The following CDH9 variants were observed in gnomAD, a reference collection of about 807,000 sequenced individuals.
CDH9 encodes cadherin-9.
In CDH9, 28 loss-of-function variants were observed where a neutral mutation model predicts 70.9. That is an observed-to-expected ratio of 0.40 (90% CI 0.29 to 0.54). The LOEUF (loss-of-function observed/expected upper bound fraction) is 0.54. Ranked by LOEUF, CDH9 falls within the 20% of genes least tolerant of loss-of-function variation. The pLI, the probability that CDH9 is intolerant of heterozygous loss-of-function variation, is 0.59. For synonymous variants in CDH9, 409 were observed against 343.1 expected (o/e 1.19, Z -2.12); for missense variants, 874 against 984.4 (o/e 0.89, Z 1.50).
intron 11 of CDH9, among the ~76,000 whole-genome samples, chr5:26,883,219 T>C (rs1194164025): frequency 6.6e-6 from 1 of 150,670 alleles, no homozygotes; most frequent in African/African-American, 2.4e-5. Flanking sequence ...GAGATTTCTT[T>C]CTAAATTTAA....
At chr5:26,903,883 C>G in intron 5 of CDH9, 59 bp from the exon 6 acceptor site, 1 of 913,044 alleles carries the variant, frequency 1.1e-6, no homozygotes, top group Non-Finnish European at 1.7e-6. Context: ...TTTTTCATTT[C>G]CTCTGCATTT....
intron 1 of CDH9, among the ~76,000 whole-genome samples, chr5:27,005,164 A>T (rs1386326720): frequency 2.0e-5 from 3 of 152,146 alleles, no homozygotes; most frequent in Non-Finnish European, 4.4e-5. Context: ...AGCAAAATAC[A>T]TTCAATTCTT....
At chr5:26,913,860 A>G (rs565947232) in intron 3 of CDH9, among the ~76,000 whole-genome samples, 21 of 151,994 alleles carry the variant, frequency 1.4e-4, no homozygotes, top group Admixed American at 5.9e-4. Context: ...AGTATTTCAC[A>G]TGAGACAAAA....
intron 2 of CDH9, among the ~76,000 whole-genome samples, chr5:26,925,303 T>G (rs1187553323): frequency 1.3e-5 from 2 of 152,228 alleles, no homozygotes; most frequent in African/African-American, 4.8e-5. Context: ...TGACCAGTGA[T>G]GATGAGCATT....
intron 2 of CDH9, among the ~76,000 whole-genome samples, chr5:26,926,645 T>C (rs1043284978): frequency 2.6e-5 from 4 of 151,916 alleles, no homozygotes; most frequent in Non-Finnish European, 4.4e-5. Context: ...AAGACAATCC[T>C]AAGAAAATAG....
At chr5:26,973,874 T>A (rs1742261452) in intron 2 of CDH9, among the ~76,000 whole-genome samples, 1 of 152,184 alleles carries the variant, frequency 6.6e-6, no homozygotes, top group South Asian at 2.1e-4. Context: ...ATTTTAATTA[T>A]CTTGCATAGT....
chr5:26,933,776 C>CAAAATAAAAT (rs35458909), intron 2 of CDH9, among the ~76,000 whole-genome samples: 230 of 147,320 alleles, frequency 1.6e-3, no homozygotes, highest in Admixed American at 4.7e-3. Flanking sequence ...AAGACTCCGT[C>CAAAATAAAAT]AAAATAAAAT....
At chr5:27,012,693 T>A (rs1365033036) in intron 1 of CDH9, among the ~76,000 whole-genome samples, 1 of 152,030 alleles carries the variant, frequency 6.6e-6, no homozygotes, top group Non-Finnish European at 1.5e-5. Flanking sequence ...TAAGAAAGTA[T>A]CCCTTGGTTT....
At chr5:26,920,995 C>T (rs1741234434) in intron 2 of CDH9, among the ~76,000 whole-genome samples, 2 of 152,254 alleles carry the variant, frequency 1.3e-5, no homozygotes, top group South Asian at 2.1e-4. Flanking sequence ...GTGAGGAAAA[C>T]ATGACTTCGT....
intron 1 of CDH9, among the ~76,000 whole-genome samples, chr5:27,020,390 T>C (rs1048942251): frequency 3.1e-4 from 47 of 151,612 alleles, no homozygotes; most frequent in African/African-American, 1.0e-3. Flanking sequence ...ATTTTATATT[T>C]ACACAATTGG....
At chr5:26,886,700 CTTTTAAGAT>C (rs1378431532) in intron 9 of CDH9, among the ~76,000 whole-genome samples, 1 of 152,030 alleles carries the variant, frequency 6.6e-6, no homozygotes, top group Admixed American at 6.6e-5. Context: ...CAAAGAAATG[CTTTTAAGAT>C]TTTGTAAAAT....
chr5:26,964,619 A>G (rs546262263), intron 2 of CDH9, among the ~76,000 whole-genome samples: 2 of 152,224 alleles, frequency 1.3e-5, no homozygotes, highest in South Asian at 2.1e-4. Flanking sequence ...CTATGAGTGC[A>G]TTATCTTGAA....
At chr5:26,996,736 A>G (rs1167385040) in intron 1 of CDH9, among the ~76,000 whole-genome samples, 15 of 151,346 alleles carry the variant, frequency 9.9e-5, no homozygotes, top group Admixed American at 9.9e-4. Context: ...ATATATATCT[A>G]TATCTCTATA....
At chr5:26,941,411 GCATTGTGCTGGT>G (rs1741660195) in intron 2 of CDH9, among the ~76,000 whole-genome samples, 1 of 152,180 alleles carries the variant, frequency 6.6e-6, no homozygotes, top group South Asian at 2.1e-4. Flanking sequence ...CGGGATGACA[GCATTGTGCTGGT>G]CACACCTCAG....
intron 2 of CDH9, among the ~76,000 whole-genome samples, chr5:26,980,460 A>T (rs566905224): frequency 1.3e-5 from 2 of 152,074 alleles, no homozygotes; most frequent in East Asian, 3.9e-4. Context: ...CCTGAAAAAA[A>T]TGTTTAAAGA....
intron 3 of CDH9, among the ~76,000 whole-genome samples, chr5:26,912,874 A>G (rs10076477): frequency 0.079 from 12,064 of 151,902 alleles, 614 homozygotes; most frequent in African/African-American, 0.14. Flanking sequence ...ATTATGGGGG[A>G]GGGTCTTTTC....
intron 2 of CDH9, among the ~76,000 whole-genome samples, chr5:26,926,691 A>C (rs1371409275): frequency 1.3e-5 from 2 of 152,136 alleles, no homozygotes; most frequent in Non-Finnish European, 2.9e-5. Flanking sequence ...CTGACTTCAA[A>C]CTATACTACA....
At chr5:26,954,245 T>C (rs1453152634) in intron 2 of CDH9, among the ~76,000 whole-genome samples, 2 of 152,160 alleles carry the variant, frequency 1.3e-5, no homozygotes, top group Non-Finnish European at 2.9e-5. Flanking sequence ...GACTATTTAA[T>C]GTTCATTTCT....
chr5:26,901,022 T>C lies in CDH9; in HGVS notation c.1253+1454A>G, dbSNP rs766383002. Among the ~76,000 whole-genome samples the C allele has an allele frequency of 9.2e-5, 14 of 152,114 alleles. No homozygotes were observed. The South Asian group carries it at 2.7e-3, about 29-fold the overall frequency. On this transcript the variant is annotated intron_variant, in intron 7 of 11. Transcript: ENST00000231021. ...ATACCATTTCAATAAAACACAAATC[T>C]ACATTGCTTTGGATATGAACACGCT...
Sources: gnomAD v4.1 joint callset for allele counts (sites outside exome capture counted in the v4.1 genomes callset) on GRCh38, gnomAD v4.1.1 for gene constraint, MANE v1.5 for transcripts, NCBI Gene and HGNC (gene_info 2026-07-23, HGNC 2026-07-21) for gene names.